YBX1: variants seen among roughly 807,000 people sequenced by gnomAD.
The protein encoded by YBX1 is Y-box binding protein 1.
A neutral mutation model predicts 41.4 loss-of-function variants in YBX1; 3 were observed. The observed-to-expected ratio is 0.07, with a 90% CI of 0.03 to 0.19. The LOEUF is 0.19. Among genes scored for constraint, YBX1 ranks in the 10% least tolerant of loss-of-function variants. The pLI is 1.00. For missense variants in YBX1, 274 were observed against 462.8 expected (o/e 0.59, Z 3.74); for synonymous variants, 133 against 165.8 (o/e 0.80, Z 1.52).
In YBX1 at chr1:42,702,728, TCAATTGAAGATGC is replaced by T. The variant is rs1650635116; in HGVS notation, c.*789_*801del. 6.6e-6 allele frequency among the ~76,000 whole-genome samples: 1 copy of T among 152,312 alleles called. No individual in the cohort carries two copies. The highest frequency in any genetic ancestry group is 2.4e-5 in the African/African-American group (1 of 41,576). On this transcript the variant is annotated 3_prime_UTR_variant, in exon 8 of 8. Coordinates refer to ENST00000321358, the MANE Select transcript of YBX1 (RefSeq NM_004559.5). ...CCTTGGGAGAATTTGTTTCAGTGTG[TCAATTGAAGATGC>T]CAATTGAAGTGTTAGGACAACCTGT...
At chr1:42,684,910 T>TG (rs1245369993) in intron 2 of YBX1, among the ~76,000 whole-genome samples, 7 of 152,208 alleles carry the variant, frequency 4.6e-5, no homozygotes, top group African/African-American at 1.4e-4. Flanking sequence ...GTGCTTACCT[T>TG]GGGAGGGTGT....
chr1:42,689,610 A>G (rs1007922458), intron 2 of YBX1, among the ~76,000 whole-genome samples: 1 of 152,104 alleles, frequency 6.6e-6, no homozygotes, highest in South Asian at 2.1e-4. Flanking sequence ...AAGGAGTGGG[A>G]GGGGGGTCAA....
At chr1:42,692,191 CTTTGCCTGTA>C (rs1650356815) in intron 2 of YBX1, among the ~76,000 whole-genome samples, 1 of 152,232 alleles carries the variant, frequency 6.6e-6, no homozygotes, top group Non-Finnish European at 1.5e-5. Flanking sequence ...CTATTCTAGA[CTTTGCCTGTA>C]TTTGCCTTTC....
At chr1:42,697,087 GT>G (rs1650479543) in intron 5 of YBX1, 92 bp from the exon 6 acceptor site, 6 of 1,499,770 alleles carry the variant, frequency 4.0e-6, no homozygotes, top group Non-Finnish European at 5.4e-6. Context: ...TAGATGGTCT[GT>G]TTTGTTTGTT....
intron 5 of YBX1, 56 bp from the exon 6 acceptor site, chr1:42,697,124 G>T: frequency 6.4e-7 from 1 of 1,568,398 alleles, no homozygotes; most frequent in South Asian, 1.2e-5. Context: ...TTATCTGGTT[G>T]GGTTTTTTTA....
intron 2 of YBX1, among the ~76,000 whole-genome samples, chr1:42,685,335 G>A (rs1650167875): frequency 6.6e-6 from 1 of 152,044 alleles, no homozygotes; most frequent in Non-Finnish European, 1.5e-5. Context: ...GCTTTTGATG[G>A]TCCTTTGTTT....
rs189429728 is a variant in YBX1 at position 42,697,340 on chromosome 1, G to A, written c.740+78G>A. On this transcript the variant is annotated intron_variant, in intron 6 of 7. Transcript: ENST00000321358. ...GACTCAGCAATATCATGCCTCTCCT[G>A]CAGACTCATTTTTCTGTTAACACTT... 524 of 1,397,004 alleles carry A rather than the reference G, an allele frequency of 3.8e-4. 2 individuals carry two copies. In the Middle Eastern group the frequency reaches 4.0e-3, roughly 11 times the overall value. The allele number at this position is 1,397,004 out of a possible 1,614,324, so 86.5% of individuals were successfully genotyped here.
In YBX1 at chr1:42,683,390, T is replaced by C. The variant is rs1223861533; in HGVS notation, c.167-13T>C. ...GGTAATCGTGGCTTGTTTTGCTTTG[T>C]TTTCTTTTCCAGCAACGAAGGTTTT... On this transcript the variant is annotated splice_polypyrimidine_tract_variant and intron_variant, in intron 1 of 7. Coordinates refer to ENST00000321358, the MANE Select transcript of YBX1 (RefSeq NM_004559.5). 1.9e-6 allele frequency: 3 copies of C among 1,614,206 alleles called. No homozygotes were observed. Among genetic ancestry groups the C allele is most frequent in the Non-Finnish European group, 2.5e-6 (3 of 1,180,020 alleles).
intron 6 of YBX1, among the ~76,000 whole-genome samples, chr1:42,698,979 T>C (rs1650528078): frequency 6.6e-6 from 1 of 152,158 alleles, no homozygotes; most frequent in Non-Finnish European, 1.5e-5. Flanking sequence ...AAGGGAAATC[T>C]TAAGACAGAG....
intron 6 of YBX1, among the ~76,000 whole-genome samples, chr1:42,698,737 TGCCTTTTGGTTTAAGTTA>T (rs995882211): frequency 3.3e-5 from 5 of 152,218 alleles, no homozygotes; most frequent in Admixed American, 1.3e-4. Flanking sequence ...CAGAGGTTTT[TGCCTTTTGGTTTAAGTTA>T]GACTTAATGT....
intron 3 of YBX1, 94 bp downstream of exon 3, chr1:42,693,617 T>G: frequency 7.5e-7 from 1 of 1,335,392 alleles, no homozygotes; most frequent in East Asian, 2.3e-5. Flanking sequence ...TATAAAAGGT[T>G]AAGTCCAACC....
chr1:42,683,522 G>A, intron 2 of YBX1, 56 bp downstream of exon 2: 2 of 1,605,420 alleles, frequency 1.2e-6, no homozygotes, highest in South Asian at 1.1e-5. Context: ...TTCCTGCTCT[G>A]TCGGCTTCTC....
At chr1:42,699,849 A>G (rs1197103137) in intron 6 of YBX1, among the ~76,000 whole-genome samples, 1 of 152,206 alleles carries the variant, frequency 6.6e-6, no homozygotes, top group Non-Finnish European at 1.5e-5. Flanking sequence ...AAGGTACATA[A>G]TTGGAAAGTT....
At chr1:42,701,181 ATTC>A (rs1650591863) in intron 7 of YBX1, 135 bp downstream of exon 7, 1 of 671,074 alleles carries the variant, frequency 1.5e-6, no homozygotes, top group African/African-American at 1.8e-5. Context: ...GTTCTGCCCT[ATTC>A]TTAATTACCT....
At chr1:42,685,137 G>A (rs1000291167) in intron 2 of YBX1, among the ~76,000 whole-genome samples, 1 of 152,146 alleles carries the variant, frequency 6.6e-6, no homozygotes, top group African/African-American at 2.4e-5. Flanking sequence ...CATGTGCCTT[G>A]TTTCGCTGCA....
At chr1:42,690,289 A>G (rs1281290834) in intron 2 of YBX1, among the ~76,000 whole-genome samples, 2 of 151,728 alleles carry the variant, frequency 1.3e-5, no homozygotes, top group East Asian at 1.9e-4. Flanking sequence ...TAATAATGCA[A>G]ATATCACATA....
intron 2 of YBX1, 37 bp downstream of exon 2, chr1:42,683,503 C>A: frequency 6.2e-7 from 1 of 1,611,468 alleles, no homozygotes; most frequent in South Asian, 1.1e-5. Context: ...ATCCCACCTT[C>A]TTGCTTGCTT....
chr1:42,682,998 C>A, intron 1 of YBX1: 1 of 194,884 alleles, frequency 5.1e-6, no homozygotes, highest in Non-Finnish European at 1.1e-5. Context: ...GCGTGTGCGA[C>A]GGGGTCCCCT....
Position 42,682,548 on chromosome 1 carries a change from G to C in YBX1, c.-18G>C. ...GCCGCAGCTGCCGCAGCCGGCCCCAGTCACCATCACCGCAACCATGAGCAG... is the reference window on the plus strand; with the variant it reads ...GCCGCAGCTGCCGCAGCCGGCCCCACTCACCATCACCGCAACCATGAGCAG... On this transcript the variant is annotated 5_prime_UTR_variant, in exon 1 of 8. Coordinates refer to ENST00000321358, the MANE Select transcript of YBX1 (RefSeq NM_004559.5). 1 of 1,454,886 alleles carries C rather than the reference G, an allele frequency of 6.9e-7. No individual in the cohort carries two copies. The highest frequency in any genetic ancestry group is 1.3e-5 in the South Asian group (1 of 76,484). The allele number at this position is 1,454,886 out of a possible 1,614,324, so 90.1% of individuals were successfully genotyped here.
Sources: allele counts gnomAD v4.1 joint callset (sites outside exome capture counted in the v4.1 genomes callset), GRCh38; gene constraint gnomAD v4.1.1; transcripts MANE v1.5; gene names NCBI Gene and HGNC (gene_info 2026-07-23, HGNC 2026-07-21).